Variants in CDH18 observed in about 807,000 individuals in gnomAD.
CDH18 encodes the protein cadherin-18.
A neutral mutation model predicts 67.9 loss-of-function variants in CDH18; 31 were observed. That is an observed-to-expected ratio of 0.46 (90% CI 0.34 to 0.62). CDH18 has a LOEUF of 0.62. Among genes scored for constraint, CDH18 ranks in the 20% least tolerant of loss-of-function variants. CDH18 has a pLI of 0.01. For synonymous variants in CDH18, 362 were observed against 347.2 expected, an observed-to-expected ratio of 1.04 and a Z score of -0.48; for missense variants, 890 against 975.5, an observed-to-expected ratio of 0.91 and a Z score of 1.17.
At chr5:19,967,847 T>C (rs925566831) in intron 2 of CDH18, among the ~76,000 whole-genome samples, 1 of 152,028 alleles carries the variant, frequency 6.6e-6, no homozygotes, top group African/African-American at 2.4e-5. Context: ...CCAGGGCAAT[T>C]AGGCAGGAGA....
chr5:19,679,170 T>A (rs1364849835), intron 5 of CDH18, among the ~76,000 whole-genome samples: 1 of 151,982 alleles, frequency 6.6e-6, no homozygotes, highest in Non-Finnish European at 1.5e-5. Context: ...ATAAATGTGA[T>A]TCATCACATA....
intron 2 of CDH18, among the ~76,000 whole-genome samples, chr5:19,955,038 G>T (rs1249525431): frequency 1.3e-5 from 2 of 152,038 alleles, no homozygotes; most frequent in Admixed American, 1.3e-4. Context: ...TTTCTCCCAT[G>T]CTGCTCTCAT....
At position 19,730,768 on chromosome 5, in the gene CDH18, T is replaced by TAAAAAA. The variant is rs70950092; in HGVS notation, c.524-9308_524-9303dup. On this transcript the variant is annotated intron_variant, in intron 4 of 12. Transcript: ENST00000382275. ...ATTTTCACACAGAAGTATTAAATGG[T>TAAAAAA]AAAAAAAAAAAAGCATGCAATTAAT... Among the ~76,000 whole-genome samples the TAAAAAA allele has an allele frequency of 6.2e-3, 916 of 147,044 alleles. 5 individuals are homozygous for TAAAAAA. Among genetic ancestry groups the TAAAAAA allele is most frequent in the South Asian group, 0.012 (58 of 4,662 alleles).
At chr5:20,342,105 C>T (rs1740314967) in intron 1 of CDH18, among the ~76,000 whole-genome samples, 1 of 152,100 alleles carries the variant, frequency 6.6e-6, no homozygotes, top group East Asian at 1.9e-4. Context: ...GAAAAACAAA[C>T]ATAAGATTTT....
At position 20,396,008 on chromosome 5, in the gene CDH18, A is replaced by G. The variant is rs146872916; in HGVS notation, c.-579-140503T>C. Among the ~76,000 whole-genome samples the G allele has an allele frequency of 3.3e-5, 5 of 152,262 alleles. No individual in the cohort carries two copies. The East Asian group carries it at 9.6e-4, about 29-fold the overall frequency. Reference sequence around the variant, plus strand: ...TTGGCGTTCACCTGTATTCCTTGTAATATACTTCTTGATAAATAGTTACAT... The same window carrying G: ...TTGGCGTTCACCTGTATTCCTTGTAGTATACTTCTTGATAAATAGTTACAT... On this transcript the variant is annotated intron_variant, in intron 1 of 14. Transcript: ENST00000507958.
intron 11 of CDH18, among the ~76,000 whole-genome samples, chr5:19,491,048 C>T (rs920156180): frequency 2.6e-5 from 4 of 152,086 alleles, no homozygotes; most frequent in African/African-American, 9.7e-5. Flanking sequence ...TGTATACATG[C>T]TCTTTAATTT....
At chr5:19,716,233 T>A (rs557045495) in intron 5 of CDH18, among the ~76,000 whole-genome samples, 1 of 152,210 alleles carries the variant, frequency 6.6e-6, no homozygotes, top group African/African-American at 2.4e-5. Context: ...CCATTCTAAG[T>A]TTATACACAT....
At chr5:19,491,750 T>G (rs749503269) in intron 11 of CDH18, among the ~76,000 whole-genome samples, 4 of 151,452 alleles carry the variant, frequency 2.6e-5, no homozygotes, top group Non-Finnish European at 5.9e-5. Context: ...TGTTAAAAAT[T>G]ATAAAGCAAC....
chr5:19,972,274 A>G (rs1798103972), intron 2 of CDH18, among the ~76,000 whole-genome samples: 3 of 152,058 alleles, frequency 2.0e-5, no homozygotes, highest in Non-Finnish European at 4.4e-5. Flanking sequence ...TACTTAGTAT[A>G]TTGTATTTAT....
intron 2 of CDH18, among the ~76,000 whole-genome samples, chr5:20,186,696 G>T (rs190448191): frequency 1.7e-4 from 26 of 151,988 alleles, no homozygotes; most frequent in Admixed American, 5.3e-4. Context: ...CTTGTACATT[G>T]CTGGTTGAAG....
chr5:20,353,424 T>A (rs1741367320), intron 1 of CDH18, among the ~76,000 whole-genome samples: 1 of 152,238 alleles, frequency 6.6e-6, no homozygotes, highest in Non-Finnish European at 1.5e-5. Flanking sequence ...CATTAATGAA[T>A]TAAGTGAAAT....
chr5:20,497,507 G>A (rs1267691357), intron 1 of CDH18, among the ~76,000 whole-genome samples: 4 of 152,258 alleles, frequency 2.6e-5, no homozygotes, highest in East Asian at 3.9e-4. Context: ...GCAATAGGCT[G>A]TACTATATAC....
At chr5:20,441,537 CTT>C (rs1232005305) in intron 1 of CDH18, among the ~76,000 whole-genome samples, 4 of 151,608 alleles carry the variant, frequency 2.6e-5, no homozygotes, top group African/African-American at 4.9e-5. Flanking sequence ...TACAATACAC[CTT>C]TCATATAAAA....
chr5:20,122,810 G>GTATA (rs138170795), intron 2 of CDH18, among the ~76,000 whole-genome samples: 75 of 142,416 alleles, frequency 5.3e-4, no homozygotes, highest in Middle Eastern at 5.1e-3. Flanking sequence ...TGAATACAAA[G>GTATA]TATATATATA....
chr5:19,703,220 C>T (rs1763497684), intron 5 of CDH18, among the ~76,000 whole-genome samples: 1 of 152,046 alleles, frequency 6.6e-6, no homozygotes, highest in Non-Finnish European at 1.5e-5. Flanking sequence ...GGGGCTCAAA[C>T]CTGGGTCGAA....
chr5:20,038,187 C>G (rs1740060730), intron 2 of CDH18, among the ~76,000 whole-genome samples: 2 of 152,208 alleles, frequency 1.3e-5, no homozygotes, highest in Middle Eastern at 3.4e-3. Context: ...ATAACAAGTT[C>G]TGAAATTGAG....
chr5:20,429,360 G>T (rs1016926367), intron 1 of CDH18, among the ~76,000 whole-genome samples: 1 of 152,180 alleles, frequency 6.6e-6, no homozygotes, highest in East Asian at 1.9e-4. Context: ...ACCATTCCAT[G>T]GTTCTAGAAG....
chr5:20,387,622 G>A (rs1000916685), intron 1 of CDH18, among the ~76,000 whole-genome samples: 1 of 152,006 alleles, frequency 6.6e-6, no homozygotes, highest in African/African-American at 2.4e-5. Context: ...GGAGTGGTGA[G>A]AGAGGGCATC....
chr5:20,208,851 T>C lies in CDH18; in HGVS notation c.-518+46593A>G, dbSNP rs144067596. Reference sequence around the variant, plus strand: ...ACAAGGGACTAATAACCAGAATATATAAAGAATACATAAAGCTCAAACAAC... The same window carrying C: ...ACAAGGGACTAATAACCAGAATATACAAAGAATACATAAAGCTCAAACAAC... On this transcript the variant is annotated intron_variant, in intron 2 of 14. Transcript: ENST00000507958. Among the ~76,000 whole-genome samples, 401 of 151,942 alleles carry C rather than the reference T, an allele frequency of 2.6e-3. 1 individual carries two copies. Among genetic ancestry groups the C allele is most frequent in the African/African-American group, 5.4e-3 (226 of 41,468 alleles).
Sources: gnomAD v4.1 joint callset for allele counts (sites outside exome capture counted in the v4.1 genomes callset) on GRCh38, gnomAD v4.1.1 for gene constraint, MANE v1.5 for transcripts, NCBI Gene and HGNC (gene_info 2026-07-23, HGNC 2026-07-21) for gene names.